MINDY4: variants seen among roughly 807,000 people sequenced by gnomAD.
MINDY4 encodes the protein probable ubiquitin carboxyl-terminal hydrolase MINDY-4.
In MINDY4, 68 loss-of-function variants were observed where a neutral mutation model predicts 87.0. That is an observed-to-expected ratio of 0.78 (90% CI 0.64 to 0.96). The LOEUF is 0.96. MINDY4 is among the 40% of genes least tolerant of loss of function. MINDY4 has a pLI of 0.00. For missense variants in MINDY4, 919 were observed against 928.2 expected, an observed-to-expected ratio of 0.99 and a Z score of 0.13; for synonymous variants, 379 against 363.2, an observed-to-expected ratio of 1.04 and a Z score of -0.50.
At chr7:30,792,004 A>C (rs370883411) in intron 5 of MINDY4, among the ~76,000 whole-genome samples, 32 of 152,346 alleles carry the variant, frequency 2.1e-4, no homozygotes, top group African/African-American at 7.7e-4. Context: ...GCTTTAGCAG[A>C]TGGTCCCAAA....
At chr7:30,840,937 C>A in intron 9 of MINDY4, 89 bp downstream of exon 9, 1 of 1,158,884 alleles carries the variant, frequency 8.6e-7, no homozygotes, top group Non-Finnish European at 1.3e-6. Context: ...CATGTGTGTT[C>A]CCTGATATTT....
In MINDY4 at chr7:30,882,372, T is replaced by TCGGCCCCCCCGCC; in HGVS notation, c.2152+12_2152+13insGGCCCCCCCGCCC. ...TCCGGCTGACCATTGGTGCGGGCCCTCACCCCCCCACCCACCCAACCCTGT... is the reference window on the plus strand; with the variant it reads ...TCCGGCTGACCATTGGTGCGGGCCCTCGGCCCCCCCGCCCACCCCCCCACCCACCCAACCCTGT... On this transcript the variant is annotated intron_variant, in intron 16 of 17. Coordinates refer to ENST00000265299, the MANE Select transcript of MINDY4 (RefSeq NM_032222.3). The TCGGCCCCCCCGCC allele has an allele frequency of 6.6e-7, 1 of 1,521,500 alleles. No homozygotes were observed. Among genetic ancestry groups the TCGGCCCCCCCGCC allele is most frequent in the Non-Finnish European group, 8.9e-7 (1 of 1,127,556 alleles). 94.2% of individuals were successfully genotyped at this position (1,521,500 alleles called of 1,614,324 possible). A position where few individuals can be genotyped will look rare whatever the true frequency, so the allele number is the denominator to read the frequency against.
At chr7:30,876,863 A>G (rs1325491334) in intron 15 of MINDY4, among the ~76,000 whole-genome samples, 1 of 152,116 alleles carries the variant, frequency 6.6e-6, no homozygotes, top group Non-Finnish European at 1.5e-5. Flanking sequence ...GGCCTTGCAG[A>G]TAGCGCCAGG....
At chr7:30,862,102 T>C (rs1258029792) in intron 13 of MINDY4, among the ~76,000 whole-genome samples, 1 of 152,260 alleles carries the variant, frequency 6.6e-6, no homozygotes, top group East Asian at 1.9e-4. Flanking sequence ...GGGCAGGCCT[T>C]GGGCAGCCTG....
At chr7:30,853,716 C>T (rs1789487230) in intron 12 of MINDY4, among the ~76,000 whole-genome samples, 1 of 152,186 alleles carries the variant, frequency 6.6e-6, no homozygotes, top group Non-Finnish European at 1.5e-5. Context: ...GCCAGGACTA[C>T]TGACAGCAGA....
chr7:30,811,394 C>T (rs573087954), intron 5 of MINDY4, among the ~76,000 whole-genome samples: 2 of 152,288 alleles, frequency 1.3e-5, no homozygotes, highest in African/African-American at 4.8e-5. Context: ...TACCTTCATT[C>T]ACCAAAATGC....
At chr7:30,786,762 A>G (rs1787169418) in intron 4 of MINDY4, 1 of 152,152 alleles carries the variant, frequency 6.6e-6, no homozygotes, top group South Asian at 2.1e-4. Context: ...TTTCAAAGAA[A>G]GATTATAAAA....
In MINDY4 at chr7:30,778,554, A is replaced by T. The variant is rs760095103; in HGVS notation, c.183+3A>T. On this transcript the variant is annotated splice_donor_region_variant and intron_variant, in intron 2 of 17. Transcript: ENST00000265299. ...AATTTCTCTATAAGGAGAACAAGGT[A>T]TGTGCTTTCTAAGGTGTGGTGTGGA... is the stretch of plus-strand genomic sequence containing the variant. The T allele has an allele frequency of 1.2e-6, 2 of 1,614,144 alleles. No homozygotes were observed. Among genetic ancestry groups the T allele is most frequent in the Non-Finnish European group, 1.7e-6 (2 of 1,179,984 alleles).
chr7:30,778,770 G>A (rs1786906908), intron 2 of MINDY4, among the ~76,000 whole-genome samples: 1 of 152,242 alleles, frequency 6.6e-6, no homozygotes, highest in Non-Finnish European at 1.5e-5. Flanking sequence ...TGTTGTGTGT[G>A]TGTGGTTGTC....
intron 15 of MINDY4, among the ~76,000 whole-genome samples, chr7:30,877,822 CTTTTTTT>C (rs60164229): frequency 2.9e-3 from 137 of 47,480 alleles, no homozygotes; most frequent in Admixed American, 6.9e-3. Context: ...CAGGGACATG[CTTTTTTT>C]TTTTTTTTTT....
At chr7:30,854,116 G>A (rs1789499666) in intron 12 of MINDY4, among the ~76,000 whole-genome samples, 1 of 152,184 alleles carries the variant, frequency 6.6e-6, no homozygotes, top group Non-Finnish European at 1.5e-5. Context: ...TCTGTGGGGA[G>A]GGGCTACACA....
rs1331095378 is a variant in MINDY4 at position 30,820,091 on chromosome 7, C to T, written c.1074-8588C>T. Among the ~76,000 whole-genome samples, 6 of 150,910 alleles carry T rather than the reference C, an allele frequency of 4.0e-5. No homozygotes were observed. The East Asian group carries it at 5.8e-4, about 15-fold the overall frequency. On this transcript the variant is annotated intron_variant, in intron 5 of 17. Transcript: ENST00000265299. ...TAATTTTTTGTATTTTTAGTAGAGA[C>T]GGGGTTTCACCGTTTTAGCCGGGAT...
At chr7:30,834,715 C>G (rs1788806914) in intron 6 of MINDY4, among the ~76,000 whole-genome samples, 1 of 152,136 alleles carries the variant, frequency 6.6e-6, no homozygotes, top group Non-Finnish European at 1.5e-5. Flanking sequence ...AACTGGATGC[C>G]TTTAACAGCA....
intron 13 of MINDY4, 140 bp downstream of exon 13, chr7:30,859,464 G>A: frequency 3.8e-6 from 3 of 780,212 alleles, no homozygotes; most frequent in Middle Eastern, 7.4e-4. Context: ...AAGCAGTGGA[G>A]TAGGGGAAGG....
rs1170301398 is a variant in MINDY4, at chr7:30,779,554, G to A, written c.183+1003G>A. Reference sequence around the variant, plus strand: ...GTGGAAGTCCAATATGCAAAGCAAAGAAGGGAAAATGCCCTATTTGAAGTG... The same window carrying A: ...GTGGAAGTCCAATATGCAAAGCAAAAAAGGGAAAATGCCCTATTTGAAGTG... On this transcript the variant is annotated intron_variant, in intron 2 of 17. Coordinates refer to ENST00000265299, the MANE Select transcript of MINDY4 (RefSeq NM_032222.3). 3 of 152,210 alleles carry A rather than the reference G, an allele frequency of 2.0e-5. No individual in the cohort carries two copies. In the East Asian group the frequency reaches 5.8e-4, roughly 29 times the overall value. The allele number at this position is 152,210 out of a possible 1,614,324, so 9.4% of individuals were successfully genotyped here. A position where few individuals can be genotyped will look rare whatever the true frequency, so the allele number is the denominator to read the frequency against.
At chr7:30,880,931 C>T (rs1790446332) in intron 15 of MINDY4, among the ~76,000 whole-genome samples, 1 of 152,174 alleles carries the variant, frequency 6.6e-6, no homozygotes, top group African/African-American at 2.4e-5. Flanking sequence ...CAGAGCACAG[C>T]CCCTCTGTCA....
intron 12 of MINDY4, chr7:30,859,037 C>G (rs1222089630): frequency 4.2e-6 from 3 of 711,370 alleles, no homozygotes; most frequent in Admixed American, 2.0e-5. Flanking sequence ...CTTTGGTGGC[C>G]CCTGCATCAC....
chr7:30,832,588 C>T (rs1027892279), intron 6 of MINDY4, among the ~76,000 whole-genome samples: 13 of 152,160 alleles, frequency 8.5e-5, no homozygotes, highest in African/African-American at 2.4e-4. Context: ...CTGCACCCTC[C>T]GCCCTCTGTT....
intron 1 of MINDY4, among the ~76,000 whole-genome samples, chr7:30,773,957 C>T (rs979898570): frequency 6.6e-6 from 1 of 152,208 alleles, no homozygotes; most frequent in Non-Finnish European, 1.5e-5. Context: ...CTCCTTTCAT[C>T]ATTCTCTTCT....
Sources: allele counts gnomAD v4.1 joint callset (sites outside exome capture counted in the v4.1 genomes callset), GRCh38; gene constraint gnomAD v4.1.1; transcripts MANE v1.5; gene names NCBI Gene and HGNC (gene_info 2026-07-23, HGNC 2026-07-21).